Variants in GBE1 observed in about 807,000 individuals in gnomAD.
GBE1 encodes 1,4-alpha-glucan-branching enzyme.
A neutral mutation model predicts 88.8 loss-of-function variants in GBE1; 70 were observed. The ratio of observed to expected loss-of-function variants is 0.79; its 90% CI spans 0.65 to 0.96. GBE1 has a LOEUF of 0.96. Among genes scored for constraint, GBE1 ranks in the 40% least tolerant of loss-of-function variants. GBE1 has a pLI of 0.00. For synonymous variants in GBE1, 284 were observed against 300.1 expected (o/e 0.95, Z 0.56); for missense variants, 872 against 871.0 (o/e 1.00, Z -0.01).
intron 7 of GBE1, among the ~76,000 whole-genome samples, chr3:81,629,155 T>C (rs908000727): frequency 4.8e-5 from 7 of 146,238 alleles, no homozygotes; most frequent in African/African-American, 1.8e-4. Context: ...ATTAGGTGTA[T>C]CTCCCAATGC....
chr3:81,539,039 T>C (rs1009021641), intron 12 of GBE1, among the ~76,000 whole-genome samples: 11 of 152,024 alleles, frequency 7.2e-5, no homozygotes, highest in Admixed American at 5.3e-4. Flanking sequence ...ATTGTAGGCA[T>C]TGCACATGAA....
chr3:81,610,535 G>A (rs893981572), intron 7 of GBE1, among the ~76,000 whole-genome samples: 1 of 152,130 alleles, frequency 6.6e-6, no homozygotes, highest in Non-Finnish European at 1.5e-5. Context: ...CCATTTTTGA[G>A]AAATTGGGGG....
chr3:81,548,507 T>C (rs1703236208), intron 12 of GBE1, among the ~76,000 whole-genome samples: 1 of 151,398 alleles, frequency 6.6e-6, no homozygotes, highest in Non-Finnish European at 1.5e-5. Flanking sequence ...CTAATTCTAA[T>C]AGGACTTAGT....
intron 7 of GBE1, among the ~76,000 whole-genome samples, chr3:81,629,405 C>T (rs1234746280): frequency 1.3e-5 from 2 of 151,920 alleles, no homozygotes; most frequent in Admixed American, 6.6e-5. Flanking sequence ...ATATGTGCCA[C>T]ATTTTCTTAA....
intron 1 of GBE1, among the ~76,000 whole-genome samples, chr3:81,758,122 A>T (rs983895139): frequency 2.6e-5 from 4 of 152,226 alleles, no homozygotes; most frequent in African/African-American, 9.6e-5. Flanking sequence ...GATTAATCAC[A>T]GTTGCAGCAC....
intron 1 of GBE1, among the ~76,000 whole-genome samples, chr3:81,757,294 C>A (rs1338393983): frequency 3.9e-5 from 6 of 152,112 alleles, no homozygotes; most frequent in Non-Finnish European, 7.4e-5. Context: ...AATGCAGAAT[C>A]TTCTAAGTTA....
At chr3:81,673,963 T>C (rs1270765569) in intron 2 of GBE1, among the ~76,000 whole-genome samples, 2 of 151,938 alleles carry the variant, frequency 1.3e-5, no homozygotes, top group East Asian at 3.8e-4. Flanking sequence ...TTAGCCATCA[T>C]AAACTATGTA....
chr3:81,674,829 A>G (rs1188439835), intron 2 of GBE1, among the ~76,000 whole-genome samples: 1 of 151,954 alleles, frequency 6.6e-6, no homozygotes, highest in Non-Finnish European at 1.5e-5. Context: ...TGTAATGCAA[A>G]GAGTTTGCAT....
chr3:81,591,334 C>G (rs1217434842), intron 8 of GBE1, among the ~76,000 whole-genome samples, 170 bp from the exon 9 acceptor site: 1 of 152,128 alleles, frequency 6.6e-6, no homozygotes, highest in Non-Finnish European at 1.5e-5. Flanking sequence ...TGTCAACATT[C>G]AGAGTTCAGA....
chr3:81,629,751 AC>A (rs1704478749), intron 7 of GBE1, among the ~76,000 whole-genome samples: 1 of 152,090 alleles, frequency 6.6e-6, no homozygotes, highest in Non-Finnish European at 1.5e-5. Flanking sequence ...GTTTTAGGGT[AC>A]ATGTGCACAA....
intron 7 of GBE1, among the ~76,000 whole-genome samples, chr3:81,637,133 A>G (rs575303682): frequency 1.3e-5 from 2 of 152,284 alleles, no homozygotes; most frequent in Non-Finnish European, 2.9e-5. Context: ...AACAATTATA[A>G]TAATATACTG....
chr3:81,727,404 A>C (rs548200100), intron 1 of GBE1, among the ~76,000 whole-genome samples: 1 of 152,192 alleles, frequency 6.6e-6, no homozygotes, highest in Non-Finnish European at 1.5e-5. Flanking sequence ...TGACCAAGGC[A>C]TTCCTAGAAC....
chr3:81,709,148 C>T (rs1213062438), intron 1 of GBE1, among the ~76,000 whole-genome samples: 1 of 152,150 alleles, frequency 6.6e-6, no homozygotes, highest in Non-Finnish European at 1.5e-5. Flanking sequence ...TGTAATTATT[C>T]AAGAACATAA....
chr3:81,760,901 T>A (rs907545114), intron 1 of GBE1, among the ~76,000 whole-genome samples: 11 of 152,338 alleles, frequency 7.2e-5, no homozygotes, highest in South Asian at 2.1e-4. Context: ...CCTGAAGGAA[T>A]CCTCTTAGAT....
chr3:81,616,504 G>A (rs1272743272), intron 7 of GBE1, among the ~76,000 whole-genome samples: 2 of 151,964 alleles, frequency 1.3e-5, no homozygotes, highest in East Asian at 3.9e-4. Context: ...AAAATTAGTC[G>A]TGCATATTTG....
At chr3:81,626,983 T>C (rs2107024973) in intron 7 of GBE1, among the ~76,000 whole-genome samples, 1 of 152,334 alleles carries the variant, frequency 6.6e-6, no homozygotes, top group Non-Finnish European at 1.5e-5. Context: ...TGCTGAACTT[T>C]CCTCCTTGGT....
chr3:81,541,345 T>C (rs1489226933), intron 12 of GBE1, among the ~76,000 whole-genome samples: 3 of 151,358 alleles, frequency 2.0e-5, no homozygotes, highest in Non-Finnish European at 4.4e-5. Context: ...ATGGACTCCA[T>C]AAAAATGTGA....
intron 1 of GBE1, among the ~76,000 whole-genome samples, chr3:81,709,056 G>GGAGA (rs1348538943): frequency 2.6e-5 from 4 of 152,164 alleles, no homozygotes; most frequent in African/African-American, 9.7e-5. Context: ...CTGTTGAGAT[G>GGAGA]GAGAGTACAA....
intron 7 of GBE1, 93 bp from the exon 8 acceptor site, chr3:81,594,116 C>T (rs564024143): frequency 5.5e-5 from 31 of 568,332 alleles, no homozygotes; most frequent in African/African-American, 2.1e-4. Context: ...AATTATAGGG[C>T]TCTATCTCAA....
Sources: gnomAD v4.1 joint callset for allele counts (sites outside exome capture counted in the v4.1 genomes callset) on GRCh38, gnomAD v4.1.1 for gene constraint, MANE v1.5 for transcripts, NCBI Gene and HGNC (gene_info 2026-07-23, HGNC 2026-07-21) for gene names.